VPS54: variants seen among roughly 807,000 people sequenced by gnomAD.
VPS54 encodes VPS54 subunit of GARP complex.
A neutral mutation model predicts 121.5 loss-of-function variants in VPS54; 45 were observed. That is an observed-to-expected ratio of 0.37 (90% CI 0.29 to 0.47). The LOEUF (loss-of-function observed/expected upper bound fraction) is 0.47, where lower values mean the gene tolerates loss of function less well. Among genes scored for constraint, VPS54 ranks in the 20% least tolerant of loss-of-function variants. The pLI, the probability that VPS54 is intolerant of heterozygous loss-of-function variation, is 0.99. For synonymous variants in VPS54, 371 were observed against 385.8 expected, an observed-to-expected ratio of 0.96 and a Z score of 0.45; for missense variants, 1,090 against 1,131.4, an observed-to-expected ratio of 0.96 and a Z score of 0.52.
intron 1 of VPS54, among the ~76,000 whole-genome samples, chr2:64,018,675 C>A (rs1370117206): frequency 6.8e-6 from 1 of 147,300 alleles, no homozygotes; most frequent in African/African-American, 2.5e-5. Context: ...GGGGCAAGAG[C>A]GGCGTTTGCG....
intron 20 of VPS54, among the ~76,000 whole-genome samples, chr2:63,899,993 T>C (rs1314210963): frequency 2.6e-5 from 4 of 152,160 alleles, no homozygotes; most frequent in African/African-American, 9.7e-5. Context: ...ACTCAAAAAA[T>C]TGTTAGCTAC....
In VPS54 at chr2:63,950,789, T is replaced by C. The variant is rs534403690; in HGVS notation, c.1011-1626A>G. ...AATAAATGTTCTTTGTGGCTTTTTT[T>C]TTCCCCCAGAGTAGGGCACTTTTGT... On this transcript the variant is annotated intron_variant, in intron 7 of 22. Transcript: ENST00000272322. Among the ~76,000 whole-genome samples the C allele has an allele frequency of 2.0e-5, 3 of 152,324 alleles. No individual in the cohort carries two copies. The East Asian group carries it at 5.8e-4, about 29-fold the overall frequency.
chr2:64,019,402 G>A lies in VPS54; in HGVS notation c.-485C>T, dbSNP rs1431584040. Among the ~76,000 whole-genome samples the A allele has an allele frequency of 1.3e-5, 2 of 151,098 alleles. No individual in the cohort carries two copies. Among genetic ancestry groups the A allele is most frequent in the African/African-American group, 4.8e-5 (2 of 41,312 alleles). On this transcript the variant is annotated 5_prime_UTR_variant, in exon 1 of 23. Transcript: ENST00000272322. Reference sequence around the variant, plus strand: ...CGGGTGCGGGGAGACAGCGCCGGAGGCCGCCGCAGCCCCCAGCCCACAATC... The same window carrying A: ...CGGGTGCGGGGAGACAGCGCCGGAGACCGCCGCAGCCCCCAGCCCACAATC...
At chr2:63,936,147 T>C (rs969489773) in intron 11 of VPS54, among the ~76,000 whole-genome samples, 16 of 152,208 alleles carry the variant, frequency 1.1e-4, no homozygotes, top group African/African-American at 3.9e-4. Flanking sequence ...CCAGTTTGAT[T>C]TGAATACTTC....
chr2:64,011,274 A>C (rs750620525), intron 1 of VPS54, among the ~76,000 whole-genome samples: 63 of 152,148 alleles, frequency 4.1e-4, no homozygotes, highest in Non-Finnish European at 6.6e-4. Flanking sequence ...GCAGCCATTA[A>C]AATTAAGGGG....
intron 7 of VPS54, among the ~76,000 whole-genome samples, chr2:63,958,190 C>G (rs1292388458): frequency 2.0e-5 from 3 of 151,982 alleles, no homozygotes; most frequent in African/African-American, 7.3e-5. Context: ...AAAACACAAA[C>G]CATGACAAAA....
intron 3 of VPS54, 103 bp downstream of exon 3, chr2:63,981,543 A>G (rs1407937558): frequency 1.5e-6 from 2 of 1,291,888 alleles, no homozygotes; most frequent in East Asian, 4.7e-5. Flanking sequence ...AAAGAATACT[A>G]TAGGTTCATC....
intron 3 of VPS54, 144 bp downstream of exon 3, chr2:63,981,502 C>T: frequency 2.6e-6 from 2 of 769,820 alleles, no homozygotes; most frequent in Non-Finnish European, 3.7e-6. Flanking sequence ...GAATTAAATG[C>T]AACCCAGGAC....
Position 63,893,249 on chromosome 2 carries a change from G to A in VPS54, c.*181C>T. 1.4e-6 allele frequency: 1 copy of A among 695,434 alleles called. No individual in the cohort carries two copies. The highest frequency in any genetic ancestry group is 2.0e-5 in the Admixed American group (1 of 49,268). 43.1% of individuals were successfully genotyped at this position (695,434 alleles called of 1,614,324 possible). On this transcript the variant is annotated 3_prime_UTR_variant, in exon 23 of 23. Transcript: ENST00000272322. ...TCCTCACTGTAGGATGCACAAAAAT[G>A]ACATTCCTTGTAGATCCCACTGAAT...
chr2:63,947,236 G>A (rs1675021846), intron 9 of VPS54, 147 bp downstream of exon 9: 5 of 725,276 alleles, frequency 6.9e-6, no homozygotes, highest in South Asian at 5.2e-5. Flanking sequence ...GTAAGGCTAT[G>A]TTTTACTTTC....
At chr2:63,983,806 C>T (rs1676913328) in intron 2 of VPS54, 58 bp downstream of exon 2, 3 of 1,522,666 alleles carry the variant, frequency 2.0e-6, no homozygotes, top group Admixed American at 2.1e-5. Flanking sequence ...AACCTGACTA[C>T]TCATTTAAAG....
At chr2:64,018,399 C>T (rs897759250) in intron 1 of VPS54, among the ~76,000 whole-genome samples, 8 of 152,098 alleles carry the variant, frequency 5.3e-5, no homozygotes, top group African/African-American at 1.9e-4. Flanking sequence ...GAGGGCCTGC[C>T]CTTTCTGTCT....
At position 63,916,910 on chromosome 2, in the gene VPS54, C is replaced by T. The variant is rs952613378; in HGVS notation, c.2218G>A (p.Ala740Thr). 1.9e-6 allele frequency: 3 copies of T among 1,613,536 alleles called. No individual in the cohort carries two copies. The highest frequency in any genetic ancestry group is 1.1e-5 in the South Asian group (1 of 91,044). Reference protein sequence around the residue: ...EVLIVEGQQYAVVGTVLLLIR... With the variant: ...EVLIVEGQQYTVVGTVLLLIR... ...AAATGTGTCACTCACCCAACAACTG[C>T]ATACTGTTGTCCCTCGACAATAAGA... Residue 740 changes from alanine (A) to threonine (T), a missense_variant, in exon 16 of 23, where the codon GCA becomes ACA. Physicochemically the swap from Ala to Thr is moderately conservative, Grantham distance 58. Transcript: ENST00000272322.
intron 20 of VPS54, among the ~76,000 whole-genome samples, chr2:63,900,661 A>T (rs1037482219): frequency 2.0e-5 from 3 of 152,214 alleles, no homozygotes; most frequent in Non-Finnish European, 4.4e-5. Context: ...TGGCTTCCCG[A>T]GCTGCCCACC....
intron 1 of VPS54, among the ~76,000 whole-genome samples, chr2:64,000,037 T>C (rs1444044159): frequency 6.6e-6 from 1 of 152,038 alleles, no homozygotes; most frequent in African/African-American, 2.4e-5. Flanking sequence ...ATTTTTTGTA[T>C]CTTTAGTAGA....
chr2:63,988,467 C>T (rs1298128557), intron 1 of VPS54, among the ~76,000 whole-genome samples: 2 of 152,070 alleles, frequency 1.3e-5, no homozygotes, highest in Non-Finnish European at 2.9e-5. Context: ...TCAGGGACCC[C>T]GAACCGAGGG....
At chr2:64,015,069 A>G (rs1185394105) in intron 1 of VPS54, among the ~76,000 whole-genome samples, 2 of 152,148 alleles carry the variant, frequency 1.3e-5, no homozygotes, top group Non-Finnish European at 2.9e-5. Flanking sequence ...AGTGTTATCC[A>G]TAAAGTTAAA....
chr2:63,897,650 TATCA>T, intron 21 of VPS54, 60 bp from the exon 22 acceptor site: 1 of 999,782 alleles, frequency 1.0e-6, no homozygotes, highest in Non-Finnish European at 1.5e-6. Context: ...ATATCTGAGT[TATCA>T]ATATTATTTA....
At chr2:63,986,611 T>C (rs1391352340) in intron 1 of VPS54, among the ~76,000 whole-genome samples, 1 of 152,234 alleles carries the variant, frequency 6.6e-6, no homozygotes, top group Non-Finnish European at 1.5e-5. Context: ...TTGTATATTC[T>C]TAGGAGTGGG....
Sources: gnomAD v4.1 joint callset for allele counts (sites outside exome capture counted in the v4.1 genomes callset) on GRCh38, gnomAD v4.1.1 for gene constraint, MANE v1.5 for transcripts, NCBI Gene and HGNC (gene_info 2026-07-23, HGNC 2026-07-21) for gene names.